OVAAL: variants seen among roughly 807,000 people sequenced by gnomAD.
OVAAL encodes the protein ovarian adenocarcinoma amplified long non-coding RNA.
intron 1 of OVAAL, among the ~76,000 whole-genome samples, chr1:180,561,501 G>A (rs983923625): frequency 2.6e-5 from 4 of 151,946 alleles, no homozygotes; most frequent in Non-Finnish European, 2.9e-5. Flanking sequence ...TCTCAGCATC[G>A]GGTTATCTGG....
chr1:180,559,673 C>T (rs190834223), intron 1 of OVAAL, among the ~76,000 whole-genome samples: 7 of 152,060 alleles, frequency 4.6e-5, no homozygotes, highest in African/African-American at 1.2e-4. Context: ...TTTGGGAGGC[C>T]GAGGTGGGTG....
chr1:180,566,229 T>C (rs952236035), exon 3 of OVAAL: 1 of 152,252 alleles, frequency 6.6e-6, no homozygotes, highest in Admixed American at 6.5e-5. Flanking sequence ...CTCCTAGAAC[T>C]GCACAAGCTG....
chr1:180,566,366 T>A (rs1253289555), exon 3 of OVAAL: 2 of 152,348 alleles, frequency 1.3e-5, no homozygotes. Flanking sequence ...TTGAAAAATA[T>A]GTTTTCTTTG....
At chr1:180,559,485 T>C (rs917210628) in intron 1 of OVAAL, among the ~76,000 whole-genome samples, 1 of 152,206 alleles carries the variant, frequency 6.6e-6, no homozygotes, top group African/African-American at 2.4e-5. Flanking sequence ...ATTTCAGGTA[T>C]CTGGTGGAAG....
At chr1:180,561,987 C>A (rs1033719030) in intron 1 of OVAAL, among the ~76,000 whole-genome samples, 3 of 150,780 alleles carry the variant, frequency 2.0e-5, no homozygotes, top group African/African-American at 7.3e-5. Flanking sequence ...TGCACCACTG[C>A]ACTCCAGCCT....
Position 180,566,331 on chromosome 1 carries a change from G to A in OVAAL, n.1594G>A, listed in dbSNP as rs533224724. On this transcript the variant is annotated non_coding_transcript_exon_variant, in exon 3 of 3. Coordinates refer to ENST00000673955, the Ensembl canonical transcript of OVAAL. ...TTTTAGAGGCGTAATAGGAAGGTTT[G>A]CATTGAATTATTAAACAATGGGTAT... The A allele has an allele frequency of 4.6e-5, 7 of 152,270 alleles. No individual in the cohort carries two copies. The South Asian group carries it at 1.5e-3, about 32-fold the overall frequency. 9.4% of individuals were successfully genotyped at this position (152,270 alleles called of 1,614,324 possible).
intron 2 of OVAAL, among the ~76,000 whole-genome samples, chr1:180,563,732 A>G (rs1173578582): frequency 6.6e-6 from 1 of 152,122 alleles, no homozygotes; most frequent in Non-Finnish European, 1.5e-5. Context: ...TACTGGTGAC[A>G]TGCCCCCAGA....
chr1:180,560,033 T>A (rs1432484933), intron 1 of OVAAL, among the ~76,000 whole-genome samples: 1 of 152,206 alleles, frequency 6.6e-6, no homozygotes, highest in African/African-American at 2.4e-5. Flanking sequence ...TTCCATGCTT[T>A]GTCTCCTTTA....
chr1:180,561,760 C>T (rs1463471280), intron 1 of OVAAL, among the ~76,000 whole-genome samples: 3 of 151,982 alleles, frequency 2.0e-5, no homozygotes, highest in South Asian at 4.2e-4. Context: ...CAGCGGCTCA[C>T]GCCTGTAATC....
intron 2 of OVAAL, among the ~76,000 whole-genome samples, chr1:180,563,193 A>G (rs1033939709): frequency 2.0e-5 from 3 of 152,202 alleles, no homozygotes; most frequent in Admixed American, 1.3e-4. Flanking sequence ...CCAGAGAAGG[A>G]CAACAGTGAG....
In OVAAL at chr1:180,562,251, G is replaced by C. The variant is rs149150217; in HGVS notation, n.420G>C. On this transcript the variant is annotated non_coding_transcript_exon_variant, in exon 2 of 3. Coordinates refer to ENST00000673955, the Ensembl canonical transcript of OVAAL. ...TATGCAGACAAGGGAAGTAACTCAG[G>C]CATTTTGGGGGAGAGGTACAGAAAG... 3.3e-5 allele frequency: 5 copies of C among 152,504 alleles called. No homozygotes were observed. The East Asian group carries it at 9.6e-4, about 29-fold the overall frequency. 9.4% of individuals were successfully genotyped at this position (152,504 alleles called of 1,614,324 possible).
intron 2 of OVAAL, among the ~76,000 whole-genome samples, chr1:180,563,449 G>C (rs955448911): frequency 6.6e-6 from 1 of 152,208 alleles, no homozygotes; most frequent in East Asian, 1.9e-4. Context: ...ACCCAGGCAA[G>C]TTTTAGAGCA....
chr1:180,559,200 A>G (rs1416963816), intron 1 of OVAAL: 1 of 153,028 alleles, frequency 6.5e-6, no homozygotes, highest in Non-Finnish European at 1.5e-5. Flanking sequence ...GCAACTTTGG[A>G]ACTGGGCAAC....
chr1:180,559,566 A>T (rs1401249053), intron 1 of OVAAL, among the ~76,000 whole-genome samples: 2 of 152,200 alleles, frequency 1.3e-5, no homozygotes, highest in Non-Finnish European at 2.9e-5. Flanking sequence ...TTAAAAGGGA[A>T]ACAGAGCATA....
At chr1:180,564,270 C>G (rs1201867181) in intron 2 of OVAAL, among the ~76,000 whole-genome samples, 2 of 152,094 alleles carry the variant, frequency 1.3e-5, no homozygotes. Context: ...ATACAAGATG[C>G]TCTGTTAAAT....
exon 3 of OVAAL, chr1:180,566,232 A>G (rs1294101509): frequency 6.6e-6 from 1 of 152,260 alleles, no homozygotes; most frequent in East Asian, 1.9e-4. Context: ...CTAGAACTGC[A>G]CAAGCTGTGT....
intron 1 of OVAAL, among the ~76,000 whole-genome samples, chr1:180,560,046 C>A (rs1325674090): frequency 6.6e-6 from 1 of 152,018 alleles, no homozygotes; most frequent in African/African-American, 2.4e-5. Flanking sequence ...CTCCTTTAAC[C>A]TTCATAATAA....
intron 1 of OVAAL, among the ~76,000 whole-genome samples, chr1:180,561,473 T>A (rs1417252031): frequency 6.6e-6 from 1 of 152,094 alleles, no homozygotes; most frequent in Non-Finnish European, 1.5e-5. Context: ...TCCATGGATA[T>A]CTACACATGC....
chr1:180,565,811 A>G (rs879569770), exon 3 of OVAAL: 1 of 152,160 alleles, frequency 6.6e-6, no homozygotes, highest in Admixed American at 6.5e-5. Context: ...TCTAGCCACA[A>G]ATAATAAAAA....
Sources: allele counts gnomAD v4.1 joint callset (sites outside exome capture counted in the v4.1 genomes callset), GRCh38; gene constraint gnomAD v4.1.1; transcripts MANE v1.5; gene names NCBI Gene and HGNC (gene_info 2026-07-23, HGNC 2026-07-21).